The following EXOC3L4 variants were observed in gnomAD, a reference collection of about 807,000 sequenced individuals.
EXOC3L4 encodes the protein exocyst complex component 3-like protein 4.
In EXOC3L4, 62 loss-of-function variants were observed where a neutral mutation model predicts 69.7. That is an observed-to-expected ratio of 0.89 (90% CI 0.72 to 1.10). EXOC3L4 has a LOEUF of 1.10. EXOC3L4 is among the 50% of genes least tolerant of loss of function. The pLI is 0.00. For missense variants in EXOC3L4, 1,087 were observed against 1,034.8 expected (o/e 1.05, Z -0.69); for synonymous variants, 502 against 464.2 (o/e 1.08, Z -1.05).
In EXOC3L4 at chr14:103,097,157, T is replaced by C. The variant is rs1338693001; in HGVS notation, c.-17+2317T>C. Among the ~76,000 whole-genome samples, 2 of 151,798 alleles carry C rather than the reference T, an allele frequency of 1.3e-5. No homozygotes were observed. The highest frequency in any genetic ancestry group is 4.8e-5 in the African/African-American group (2 of 41,318). On this transcript the variant is annotated intron_variant, in intron 1 of 11. Coordinates refer to ENST00000688303, the MANE Select transcript of EXOC3L4 (RefSeq NM_001077594.2). This position sits in a 1 kb window ranked among gnomAD's most constrained non-coding sequence, Gnocchi z 4.9. ...GTAGGGAGGGTGGGGAAGTTCGGAC[T>C]TGACTTCTCGGACACAGCTAGGGTG... is the stretch of plus-strand genomic sequence containing the variant.
intron 11 of EXOC3L4, among the ~76,000 whole-genome samples, chr14:103,109,820 C>T (rs1890819414): frequency 6.6e-6 from 1 of 150,794 alleles, no homozygotes; most frequent in Admixed American, 6.6e-5. Flanking sequence ...CTCCTGTGCC[C>T]CTTCAAGCCC....
In EXOC3L4 at chr14:103,109,224, C is replaced by T. The variant is rs187309740; in HGVS notation, c.1976+707C>T. 1.0e-3 allele frequency among the ~76,000 whole-genome samples: 65 copies of T among 63,678 alleles called. 2 individuals carry two copies. Among genetic ancestry groups the T allele is most frequent in the African/African-American group, 3.2e-3 (42 of 13,190 alleles). The allele number at this position is 63,678 out of a possible 152,430, so 41.8% of individuals were successfully genotyped here. ...TGTCCCCATGTCTCCCTCCCTCCCT[C>T]CCTCTCCACCCTGTCCCCGTGTCTC... On this transcript the variant is annotated intron_variant, in intron 11 of 11. Transcript: ENST00000688303.
Position 103,104,393 on chromosome 14 carries a change from C to T in EXOC3L4, c.1284+4C>T, listed in dbSNP as rs764157701. 39 of 1,558,684 alleles carry T rather than the reference C, an allele frequency of 2.5e-5. No homozygotes were observed. The highest frequency in any genetic ancestry group is 1.2e-4 in the South Asian group (10 of 84,028). On this transcript the variant is annotated splice_donor_region_variant and intron_variant, in intron 5 of 11. Transcript: ENST00000688303. ...GCTGTCCATGGACGTCCATATGGTG[C>T]GGCCCGGGAGCAGGGGCTGAGAAGG...
chr14:103,099,330 A>T (rs990377036), intron 1 of EXOC3L4, among the ~76,000 whole-genome samples: 1 of 151,774 alleles, frequency 6.6e-6, no homozygotes, highest in African/African-American at 2.4e-5. Context: ...CTGGCAGGCC[A>T]CGGTGCCGAG....
Position 103,104,048 on chromosome 14 carries a change from T to C in EXOC3L4, c.1157T>C (p.Leu386Pro), listed in dbSNP as rs572934887. 213 of 1,567,458 alleles carry C rather than the reference T, an allele frequency of 1.4e-4. No individual in the cohort carries two copies. The highest frequency in any genetic ancestry group is 1.8e-4 in the Non-Finnish European group (205 of 1,160,686). The part of the protein sequence containing the change: ...ARLESDYTSF[L>P]EAKIASCFDS... Reference sequence around the variant, plus strand: ...CTGGAGAGCGACTACACCAGCTTCCTGGAGGTCAGGCCGGGCGGGTCAGGC... The same window carrying C: ...CTGGAGAGCGACTACACCAGCTTCCCGGAGGTCAGGCCGGGCGGGTCAGGC... Residue 386 changes from leucine (L) to proline (P), a missense_variant, in exon 4 of 12, where the codon CTG (leucine) becomes CCG (proline). Coordinates refer to ENST00000688303, the MANE Select transcript of EXOC3L4 (RefSeq NM_001077594.2).
chr14:103,105,117 G>A (rs763498373), intron 7 of EXOC3L4, 45 bp downstream of exon 7: 99 of 1,563,712 alleles, frequency 6.3e-5, no homozygotes, highest in Non-Finnish European at 8.3e-5. Flanking sequence ...GGCCAGCAGG[G>A]GGCGCGCGAG....
Position 103,108,478 on chromosome 14 carries a change from G to A in EXOC3L4, c.1937G>A (p.Arg646Gln), listed in dbSNP as rs148718670. The change falls in exon 11 of 12, where the codon CGG becomes CAG. Residue 646 changes from arginine (R) to glutamine (Q), a missense_variant. Arg to Gln is a conservative substitution (Grantham distance 43, BLOSUM62 1). Transcript: ENST00000688303. ...GAGACCTACAAAGATGACATCCAGCGGCACCTGGAGACTCTTATCCGGAGC... is the reference window on the plus strand; with the variant it reads ...GAGACCTACAAAGATGACATCCAGCAGCACCTGGAGACTCTTATCCGGAGC... ...LGETYKDDIQ[R>Q]HLETLIRSYP... is the part of the protein sequence containing the mutation. The A allele has an allele frequency of 3.2e-3, 5,119 of 1,613,928 alleles. 30 individuals carry two copies. Among genetic ancestry groups the A allele is most frequent in the Middle Eastern group, 4.0e-3 (24 of 6,058 alleles).
chr14:103,095,647 G>T (rs1272539653), intron 1 of EXOC3L4, among the ~76,000 whole-genome samples: 3 of 152,222 alleles, frequency 2.0e-5, no homozygotes, highest in Non-Finnish European at 4.4e-5. Flanking sequence ...TAAGGATGGA[G>T]CTGTGCTTCT....
intron 1 of EXOC3L4, among the ~76,000 whole-genome samples, chr14:103,095,575 G>C (rs2139456004): frequency 6.6e-6 from 1 of 152,348 alleles, no homozygotes; most frequent in East Asian, 1.9e-4. Flanking sequence ...AGTGATCAGA[G>C]TGAGGGAATG....
chr14:103,099,469 G>A (rs1344847235), intron 1 of EXOC3L4, among the ~76,000 whole-genome samples: 1 of 152,130 alleles, frequency 6.6e-6, no homozygotes, highest in African/African-American at 2.4e-5. Flanking sequence ...GGGGGAGGAG[G>A]AGAGGCAATG....
In EXOC3L4 at chr14:103,102,492, G is replaced by T. The variant is rs1249324867; in HGVS notation, c.769G>T (p.Val257Leu). Reference protein sequence around the residue: ...EAVRRSAQERVRRPGAGWAFG... With the variant: ...EAVRRSAQERLRRPGAGWAFG... ...GGTGCGGCGAAGCGCTCAGGAGCGCGTGCGGCGGCCGGGCGCGGGGTGGGC... is the reference window on the plus strand; with the variant it reads ...GGTGCGGCGAAGCGCTCAGGAGCGCTTGCGGCGGCCGGGCGCGGGGTGGGC... The change falls in exon 3 of 12, where the codon GTG becomes TTG. Residue 257 changes from valine (V) to leucine (L), a missense_variant. By Grantham distance (32) the Val-to-Leu change is conservative (BLOSUM62 1). Transcript: ENST00000688303. 3 of 1,385,322 alleles carry T rather than the reference G, an allele frequency of 2.2e-6. No individual in the cohort carries two copies. Among genetic ancestry groups the T allele is most frequent in the African/African-American group, 3.0e-5 (2 of 65,648 alleles). 85.8% of individuals were successfully genotyped at this position (1,385,322 alleles called of 1,614,324 possible). A position where few individuals can be genotyped will look rare whatever the true frequency, so the allele number is the denominator to read the frequency against.
rs1322444658 is a variant in EXOC3L4 at position 103,097,303 on chromosome 14, G to A, written c.-17+2463G>A. Reference sequence around the variant, plus strand: ...GTGGGACCCGGGGCTCAGGCCGGGCGTCAGTCTCTGGGGCCTTGCAATCAG... The same window carrying A: ...GTGGGACCCGGGGCTCAGGCCGGGCATCAGTCTCTGGGGCCTTGCAATCAG... On this transcript the variant is annotated intron_variant, in intron 1 of 11. Coordinates refer to ENST00000688303, the MANE Select transcript of EXOC3L4 (RefSeq NM_001077594.2). This position sits in a 1 kb window ranked among gnomAD's most constrained non-coding sequence, Gnocchi z 4.9. Among the ~76,000 whole-genome samples the A allele has an allele frequency of 1.3e-5, 2 of 152,154 alleles. No homozygotes were observed. The highest frequency in any genetic ancestry group is 2.4e-5 in the African/African-American group (1 of 41,426).
Position 103,107,759 on chromosome 14 carries a change from C to A in EXOC3L4, c.1830C>A (p.Ala610=). 1 of 1,535,908 alleles carries A rather than the reference C, an allele frequency of 6.5e-7. No individual in the cohort carries two copies. Among genetic ancestry groups the A allele is most frequent in the Non-Finnish European group, 8.8e-7 (1 of 1,136,052 alleles). The change falls in exon 10 of 12, where the codon GCC becomes GCA. Residue 610 remains alanine, a synonymous_variant. Transcript: ENST00000688303. ...AGAAGATGAGCCTGGATGCCCAGGCCATCAGCGACACCTTCCAGGGCCTGG... is the reference window on the plus strand; with the variant it reads ...AGAAGATGAGCCTGGATGCCCAGGCAATCAGCGACACCTTCCAGGGCCTGG... ...GSQKMSLDAQ[A]ISDTFQGLGS...
In EXOC3L4 at chr14:103,104,386, T is replaced by C; in HGVS notation, c.1281T>C (p.His427=). The change falls in exon 5 of 12, where the codon CAT becomes CAC. Residue 427 remains histidine, a synonymous_variant. Transcript: ENST00000688303. ...LYQAPLSMDV[H]MLVAEHVKAA... ...AGGCGCCGCTGTCCATGGACGTCCATATGGTGCGGCCCGGGAGCAGGGGCT... is the reference window on the plus strand; with the variant it reads ...AGGCGCCGCTGTCCATGGACGTCCACATGGTGCGGCCCGGGAGCAGGGGCT... 1 of 1,572,852 alleles carries C rather than the reference T, an allele frequency of 6.4e-7. No individual in the cohort carries two copies. Among genetic ancestry groups the C allele is most frequent in the Non-Finnish European group, 8.6e-7 (1 of 1,160,782 alleles).
At position 103,100,648 on chromosome 14, in the gene EXOC3L4, G is replaced by A. The variant is rs756384387; in HGVS notation, c.394+35G>A. ...TCAGAAACAACACGAAGCATGAAAG[G>A]AAACGGGCCAGAGGTCAGGGCAGCT... On this transcript the variant is annotated intron_variant, in intron 2 of 11. Transcript: ENST00000688303. 109 of 1,570,202 alleles carry A rather than the reference G, an allele frequency of 6.9e-5. No homozygotes were observed. The East Asian group carries it at 2.5e-3, about 35-fold the overall frequency.
Position 103,102,681 on chromosome 14 carries a change from G to A in EXOC3L4, c.958G>A (p.Val320Met). 2.0e-6 allele frequency: 3 copies of A among 1,487,974 alleles called. No individual in the cohort carries two copies. The highest frequency in any genetic ancestry group is 1.8e-6 in the Non-Finnish European group (2 of 1,124,130). The allele number at this position is 1,487,974 out of a possible 1,614,324, so 92.2% of individuals were successfully genotyped here. ...CTATCTGCGTGCCTTCCACAGCGCCGTGGCCCAGCGCCTCCAGGAGCTCGC... is the reference window on the plus strand; with the variant it reads ...CTATCTGCGTGCCTTCCACAGCGCCATGGCCCAGCGCCTCCAGGAGCTCGC... ...EVYLRAFHSA[V>M]AQRLQELARD... Residue 320 changes from valine to methionine, a missense_variant, in exon 3 of 12, where the codon GTG (valine) becomes ATG (methionine). By Grantham distance (21) the Val-to-Met change is conservative (BLOSUM62 1). Coordinates refer to ENST00000688303, the MANE Select transcript of EXOC3L4 (RefSeq NM_001077594.2).
At chr14:103,094,417 C>T (rs1310338269), upstream of EXOC3L4, among the ~76,000 whole-genome samples, 1 of 152,152 alleles carries the variant, frequency 6.6e-6, no homozygotes, top group Non-Finnish European at 1.5e-5. Context: ...GAGGCCAGCG[C>T]CTGCTTCCGC....
At position 103,102,553 on chromosome 14, in the gene EXOC3L4, AGCTTCTGGC is replaced by A. The variant is rs1004228874; in HGVS notation, c.831_839del (p.Gln277_Ala280delinsHis). The A allele has an allele frequency of 7.0e-7, 1 of 1,431,542 alleles. No individual in the cohort carries two copies. The highest frequency in any genetic ancestry group is 9.1e-7 in the Non-Finnish European group (1 of 1,094,992). 88.7% of individuals were successfully genotyped at this position (1,431,542 alleles called of 1,614,324 possible). A position where few individuals can be genotyped will look rare whatever the true frequency, so the allele number is the denominator to read the frequency against. On this transcript the variant is annotated inframe_deletion, in exon 3 of 12. Coordinates refer to ENST00000688303, the MANE Select transcript of EXOC3L4 (RefSeq NM_001077594.2). ...GCGGAGGGCGCGTCGGGTTTGGCCC[AGCTTCTGGC>A]CGAGCTGGGTGGCTTGGTTCGCCGC...
chr14:103,105,891 A>G (rs1890521266), intron 7 of EXOC3L4, among the ~76,000 whole-genome samples: 1 of 152,240 alleles, frequency 6.6e-6, no homozygotes, highest in African/African-American at 2.4e-5. Flanking sequence ...TTCAAAGAAC[A>G]GCTGTGCCAC....
Sources: allele counts gnomAD v4.1 joint callset (sites outside exome capture counted in the v4.1 genomes callset), GRCh38; gene constraint gnomAD v4.1.1; non-coding constraint Gnocchi (gnomAD v3.1); transcripts MANE v1.5; gene names NCBI Gene and HGNC (gene_info 2026-07-23, HGNC 2026-07-21).